Variants in NIPA2 observed in about 807,000 individuals in gnomAD.
NIPA2 encodes magnesium transporter NIPA2.
In NIPA2, 11 loss-of-function variants were observed where a neutral mutation model predicts 29.7. The ratio of observed to expected loss-of-function variants is 0.37; its 90% CI spans 0.23 to 0.61. NIPA2 has a LOEUF of 0.61. NIPA2 is among the 20% of genes least tolerant of loss of function. The probability of loss-of-function intolerance (pLI) is 0.66; values close to 1 mark genes in which losing one functional copy is unlikely to be tolerated. For missense variants in NIPA2, 426 were observed against 437.9 expected, an observed-to-expected ratio of 0.97 and a Z score of 0.24; for synonymous variants, 183 against 161.9, an observed-to-expected ratio of 1.13 and a Z score of -0.99.
chr15:22,839,007 C>T (rs2140909859), intron 1 of NIPA2, 86 bp downstream of exon 1: 1 of 152,356 alleles, frequency 6.6e-6, no homozygotes, highest in East Asian at 1.9e-4. Context: ...GAGAAGGGTT[C>T]TTCGGGCAAC....
intron 5 of NIPA2, among the ~76,000 whole-genome samples, chr15:22,854,517 G>T (rs1411123102): frequency 6.6e-6 from 1 of 151,740 alleles, no homozygotes; most frequent in Non-Finnish European, 1.5e-5. Flanking sequence ...GGCCAAGGCG[G>T]GTGGATCACT....
intron 3 of NIPA2, among the ~76,000 whole-genome samples, chr15:22,846,104 C>T (rs1241219096): frequency 2.0e-5 from 3 of 152,130 alleles, no homozygotes; most frequent in Admixed American, 6.5e-5. Flanking sequence ...ACGAGATGGA[C>T]GGAAGTTTCT....
intron 2 of NIPA2, among the ~76,000 whole-genome samples, chr15:22,842,418 G>C (rs1271664587): frequency 5.9e-5 from 9 of 152,152 alleles, no homozygotes; most frequent in African/African-American, 2.2e-4. Flanking sequence ...GGCTGGGCGC[G>C]GTGGCTTACG....
rs778346240 is a variant in NIPA2 at position 22,866,328 on chromosome 15, C to T, written c.564C>T (p.Ile188=). 28 of 1,613,978 alleles carry T rather than the reference C, an allele frequency of 1.7e-5. No homozygotes were observed. Among genetic ancestry groups the T allele is most frequent in the Admixed American group, 5.0e-5 (3 of 60,002 alleles). The stretch of plus-strand genomic sequence containing the variant: ...TGTACATAACAATCTGCTCTGTAAT[C>T]GGCGCGTTTTCAGTCTCCTGTGTGA... ...ILVYITICSV[I]GAFSVSCVKG... is the part of the protein sequence containing the mutation. Residue 188 remains isoleucine (I), a synonymous_variant, in exon 8 of 8, where the codon ATC becomes ATT. Transcript: ENST00000337451.
intron 4 of NIPA2, 140 bp from the exon 5 acceptor site, chr15:22,853,072 T>C: frequency 1.7e-6 from 1 of 585,412 alleles, no homozygotes; most frequent in Non-Finnish European, 3.0e-6. Context: ...TAAGAAATTG[T>C]CAGAGAAATC....
In NIPA2 at chr15:22,839,774, C is replaced by T. The variant is rs1349193590; in HGVS notation, c.-232C>T. ...CCCAGCCTTTTTTTCATAAGAGAGA[C>T]CATATTAAACTTACATGTAAGTTAA... On this transcript the variant is annotated 5_prime_UTR_variant, in exon 2 of 8. Transcript: ENST00000337451. 2 of 151,948 alleles carry T rather than the reference C, an allele frequency of 1.3e-5. No individual in the cohort carries two copies. The highest frequency in any genetic ancestry group is 2.4e-5 in the African/African-American group (1 of 41,344). 9.4% of individuals were successfully genotyped at this position (151,948 alleles called of 1,614,324 possible). A position where few individuals can be genotyped will look rare whatever the true frequency, so the allele number is the denominator to read the frequency against.
rs575250971 is a variant in NIPA2 at position 22,858,340 on chromosome 15, G to A, written c.197-200G>A. Among the ~76,000 whole-genome samples the A allele has an allele frequency of 4.6e-5, 7 of 152,316 alleles. No homozygotes were observed. The South Asian group carries it at 1.4e-3, about 32-fold the overall frequency. ...ACCCGGGAGGCGGAGCTCGCAGTGAGTTGAGATCACACCACTGCACTGCAG... is the reference window on the plus strand; with the variant it reads ...ACCCGGGAGGCGGAGCTCGCAGTGAATTGAGATCACACCACTGCACTGCAG... On this transcript the variant is annotated intron_variant, in intron 5 of 7. Coordinates refer to ENST00000337451, the MANE Select transcript of NIPA2 (RefSeq NM_030922.7).
Position 22,866,810 on chromosome 15 carries a change from A to G in NIPA2, c.1046A>G (p.Asn349Ser), listed in dbSNP as rs2059122298. Residue 349 changes from asparagine to serine, a missense_variant, in exon 8 of 8, where the codon AAT (asparagine) becomes AGT (serine). Coordinates refer to ENST00000337451, the MANE Select transcript of NIPA2 (RefSeq NM_030922.7). ...GGAATCGAACAACACACTGGTGAAAATGTCTCCCGAAGAAATGGAAATCTG... is the reference window on the plus strand; with the variant it reads ...GGAATCGAACAACACACTGGTGAAAGTGTCTCCCGAAGAAATGGAAATCTG... ...TCGIEQHTGE[N>S]VSRRNGNLTA... 1 of 1,602,822 alleles carries G rather than the reference A, an allele frequency of 6.2e-7. No individual in the cohort carries two copies. Among genetic ancestry groups the G allele is most frequent in the African/African-American group, 1.3e-5 (1 of 74,530 alleles).
At chr15:22,846,024 T>C (rs1898527373) in intron 3 of NIPA2, among the ~76,000 whole-genome samples, 1 of 152,162 alleles carries the variant, frequency 6.6e-6, no homozygotes, top group Non-Finnish European at 1.5e-5. Context: ...ATTATATGTA[T>C]TGTTTTAATC....
At position 22,853,209 on chromosome 15, in the gene NIPA2, C is replaced by G; in HGVS notation, c.140-3C>G. The G allele has an allele frequency of 1.2e-6, 2 of 1,600,270 alleles. No homozygotes were observed. The highest frequency in any genetic ancestry group is 1.7e-6 in the Non-Finnish European group (2 of 1,167,880). On this transcript the variant is annotated splice_region_variant and splice_polypyrimidine_tract_variant and intron_variant, in intron 4 of 7. Transcript: ENST00000337451. ...AAGATGTGAAATATTTCTTCATTCA[C>G]AGGTCAAGGTGGCCATGCATATCTT...
rs772269973 is a variant in NIPA2, at chr15:22,860,639, T to A, written c.298T>A (p.Ser100Thr). 5.7e-6 allele frequency: 9 copies of A among 1,567,076 alleles called. No homozygotes were observed. The highest frequency in any genetic ancestry group is 7.7e-6 in the Non-Finnish European group (9 of 1,164,144). ...ALSVLVSAIL[S>T]SYFLNERLNL... ...TCCTCCCCATTTTAGTGCCATTCTTTCTTCATACTTTCTCAATGAAAGACT... is the reference window on the plus strand; with the variant it reads ...TCCTCCCCATTTTAGTGCCATTCTTACTTCATACTTTCTCAATGAAAGACT... The change falls in exon 7 of 8, where the codon TCT becomes ACT. Residue 100 changes from serine to threonine, a missense_variant. Ser to Thr is a moderately conservative substitution (Grantham distance 58). Transcript: ENST00000337451.
At position 22,867,120 on chromosome 15, in the gene NIPA2, C is replaced by G; in HGVS notation, c.*273C>G. ...ATCCCTTCTCCAAAAGCCGAATGCA[C>G]TAATGACAGTTTTAAGTCTATGAAA... On this transcript the variant is annotated 3_prime_UTR_variant, in exon 8 of 8. Transcript: ENST00000337451. The G allele has an allele frequency of 2.1e-6, 1 of 483,818 alleles. No homozygotes were observed. The highest frequency in any genetic ancestry group is 3.6e-6 in the Non-Finnish European group (1 of 277,776). 30.0% of individuals were successfully genotyped at this position (483,818 alleles called of 1,614,324 possible).
chr15:22,850,138 G>A (rs547716681), intron 3 of NIPA2, among the ~76,000 whole-genome samples: 1 of 152,002 alleles, frequency 6.6e-6, no homozygotes, highest in Non-Finnish European at 1.5e-5. Context: ...CATACTTGCA[G>A]TAAGCCTGTT....
chr15:22,847,522 T>A (rs557076032), intron 3 of NIPA2, among the ~76,000 whole-genome samples: 1 of 151,598 alleles, frequency 6.6e-6, no homozygotes, highest in Non-Finnish European at 1.5e-5. Flanking sequence ...TGGAATGCAG[T>A]GGGGTGATCT....
Position 22,860,677 on chromosome 15 carries a change from G to A in NIPA2, c.336G>A (p.Gly112=). ...TCAATGAAAGACTTAATCTTCATGG[G>A]AAAATTGGGTGTTTGCTAAGTATTC... ...YFLNERLNLH[G]KIGCLLSILG... The change falls in exon 7 of 8, where the codon GGG becomes GGA. Residue 112 remains glycine, a synonymous_variant. Coordinates refer to ENST00000337451, the MANE Select transcript of NIPA2 (RefSeq NM_030922.7). The A allele has an allele frequency of 6.3e-7, 1 of 1,598,866 alleles. No individual in the cohort carries two copies. The highest frequency in any genetic ancestry group is 1.1e-5 in the South Asian group (1 of 87,168).
chr15:22,853,372 ATC>A (rs879147637), intron 5 of NIPA2, 104 bp downstream of exon 5: 4 of 635,718 alleles, frequency 6.3e-6, no homozygotes, highest in Admixed American at 3.1e-5. Context: ...GGTTTAAATA[ATC>A]TTTTTTTTTT....
intron 3 of NIPA2, among the ~76,000 whole-genome samples, chr15:22,846,388 A>G (rs1566824742): frequency 6.6e-6 from 1 of 151,176 alleles, no homozygotes; most frequent in African/African-American, 2.4e-5. Context: ...GGCAACATGT[A>G]ATACTGGCTC....
intron 3 of NIPA2, among the ~76,000 whole-genome samples, chr15:22,845,904 T>C (rs1278764565): frequency 6.6e-6 from 1 of 152,188 alleles, no homozygotes; most frequent in Non-Finnish European, 1.5e-5. Flanking sequence ...AGATTTTAAA[T>C]AGCATCATGA....
In NIPA2 at chr15:22,854,311, G is replaced by C. The variant is rs535546051; in HGVS notation, c.196+1043G>C. ...CCAGCTAATTTTTGTATTTTTAGTAGGGAAGGGGTTTCACCATGTTGCCCA... is the reference window on the plus strand; with the variant it reads ...CCAGCTAATTTTTGTATTTTTAGTACGGAAGGGGTTTCACCATGTTGCCCA... On this transcript the variant is annotated intron_variant, in intron 5 of 7. Coordinates refer to ENST00000337451, the MANE Select transcript of NIPA2 (RefSeq NM_030922.7). Among the ~76,000 whole-genome samples the C allele has an allele frequency of 1.9e-4, 28 of 150,554 alleles. 1 individual carries two copies. The highest frequency in any genetic ancestry group is 6.8e-4 in the African/African-American group (28 of 41,034).
Sources: gnomAD v4.1 joint callset for allele counts (sites outside exome capture counted in the v4.1 genomes callset) on GRCh38, gnomAD v4.1.1 for gene constraint, MANE v1.5 for transcripts, NCBI Gene and HGNC (gene_info 2026-07-23, HGNC 2026-07-21) for gene names.